Variants in HTR1F observed in about 807,000 individuals in gnomAD.
The protein encoded by HTR1F is 5-hydroxytryptamine (serotonin) receptor 1F, G protein-coupled.
In HTR1F, 17 loss-of-function variants were observed where a neutral mutation model predicts 24.0. That is an observed-to-expected ratio of 0.71 (90% CI 0.48 to 1.06). HTR1F has a LOEUF of 1.06. Ranked by LOEUF, HTR1F falls within the 50% of genes least tolerant of loss-of-function variation. The pLI is 0.00. For missense variants in HTR1F, 391 were observed against 427.8 expected, an observed-to-expected ratio of 0.91 and a Z score of 0.76; for synonymous variants, 186 against 156.8, an observed-to-expected ratio of 1.19 and a Z score of -1.39.
At chr3:87,917,375 G>C (rs1703916798) in intron 2 of HTR1F, among the ~76,000 whole-genome samples, 1 of 134,790 alleles carries the variant, frequency 7.4e-6, no homozygotes, top group African/African-American at 2.8e-5. Context: ...AGAACTAAAT[G>C]AAATTGAAGC....
chr3:87,805,014 A>C (rs1374133315), intron 1 of HTR1F, among the ~76,000 whole-genome samples: 1 of 152,062 alleles, frequency 6.6e-6, no homozygotes, highest in Admixed American at 6.6e-5. Flanking sequence ...ACCTTTTGAT[A>C]CTAATGCCAT....
chr3:87,831,348 T>C (rs1704574767), intron 2 of HTR1F, among the ~76,000 whole-genome samples: 1 of 142,732 alleles, frequency 7.0e-6, no homozygotes, highest in South Asian at 2.1e-4. Flanking sequence ...TTATTATTAT[T>C]ATTATTATTA....
chr3:87,841,626 G>A lies in HTR1F; in HGVS notation c.-43+19502G>A, dbSNP rs527827296. Among the ~76,000 whole-genome samples the A allele has an allele frequency of 5.1e-4, 77 of 151,832 alleles. 3 individuals carry two copies. The South Asian group carries it at 0.015, about 30-fold the overall frequency. On this transcript the variant is annotated intron_variant, in intron 2 of 2. Coordinates refer to ENST00000319595, the MANE Select transcript of HTR1F (RefSeq NM_001322209.2). ...AAACTAAACTAACATAGGGCTGGGT[G>A]CGGTGGCTCACGTCTGTAATCCCAG...
At chr3:87,823,929 C>T (rs1295911810) in intron 2 of HTR1F, among the ~76,000 whole-genome samples, 4 of 151,502 alleles carry the variant, frequency 2.6e-5, no homozygotes, top group Non-Finnish European at 4.4e-5. Context: ...CATGGTGGCG[C>T]GCCTGTAGTC....
chr3:87,881,311 C>G (rs1325287057), intron 2 of HTR1F, among the ~76,000 whole-genome samples: 3 of 152,230 alleles, frequency 2.0e-5, no homozygotes, highest in Non-Finnish European at 4.4e-5. Context: ...CCCACACCAA[C>G]AGAGCCTTGC....
At chr3:87,906,929 T>A (rs565073226) in intron 2 of HTR1F, among the ~76,000 whole-genome samples, 5 of 152,246 alleles carry the variant, frequency 3.3e-5, no homozygotes, top group African/African-American at 9.6e-5. Flanking sequence ...CTTTAGCCAC[T>A]CGTTGATTGA....
chr3:87,866,252 T>C (rs1705424184), intron 2 of HTR1F, among the ~76,000 whole-genome samples: 1 of 152,226 alleles, frequency 6.6e-6, no homozygotes, highest in Admixed American at 6.5e-5. Flanking sequence ...ATATTTTGTA[T>C]TGAGGTGCTA....
chr3:87,856,458 A>T (rs1322918052), intron 2 of HTR1F, among the ~76,000 whole-genome samples: 9 of 150,624 alleles, frequency 6.0e-5, no homozygotes, highest in East Asian at 1.9e-4. Flanking sequence ...TTTATTTTTT[A>T]AAAAATGAGG....
rs147206598 is a variant in HTR1F, at chr3:87,991,309, T to G, written c.560T>G (p.Phe187Cys). 2.7e-5 allele frequency: 43 copies of G among 1,613,990 alleles called. No individual in the cohort carries two copies. The African/African-American group carries it at 3.9e-4, about 15-fold the overall frequency. ...DHIVSTIYST[F>C]GAFYIPLALI... is the part of the protein sequence containing the mutation. Reference sequence around the variant, plus strand: ...ATTGTTTCCACCATTTACTCAACATTTGGAGCTTTCTACATCCCACTGGCA... The same window carrying G: ...ATTGTTTCCACCATTTACTCAACATGTGGAGCTTTCTACATCCCACTGGCA... Residue 187 changes from phenylalanine to cysteine, a missense_variant, in exon 3 of 3, where the codon TTT (phenylalanine) becomes TGT (cysteine). Coordinates refer to ENST00000319595, the MANE Select transcript of HTR1F (RefSeq NM_001322209.2).
At chr3:87,875,519 T>C (rs561574235) in intron 2 of HTR1F, among the ~76,000 whole-genome samples, 1 of 151,716 alleles carries the variant, frequency 6.6e-6, no homozygotes, top group East Asian at 1.9e-4. Context: ...AGGCAACCTA[T>C]GAAATGGGAG....
chr3:87,865,975 A>G (rs1446252388), intron 2 of HTR1F, among the ~76,000 whole-genome samples: 1 of 152,120 alleles, frequency 6.6e-6, no homozygotes, highest in Non-Finnish European at 1.5e-5. Context: ...TGAGGGTTTC[A>G]TTTGCTCCAC....
At chr3:87,932,728 A>C (rs1452025916) in intron 2 of HTR1F, among the ~76,000 whole-genome samples, 1 of 151,662 alleles carries the variant, frequency 6.6e-6, no homozygotes, top group Admixed American at 6.6e-5. Flanking sequence ...ACCAACCAAA[A>C]AGAGTCCAGG....
intron 2 of HTR1F, among the ~76,000 whole-genome samples, chr3:87,952,288 A>G (rs888875536): frequency 6.6e-6 from 1 of 152,000 alleles, no homozygotes; most frequent in African/African-American, 2.4e-5. Context: ...AGACCTTTTT[A>G]ATATTTATCA....
chr3:87,988,820 C>A (rs1469109888), intron 2 of HTR1F, among the ~76,000 whole-genome samples: 2 of 151,616 alleles, frequency 1.3e-5, no homozygotes, highest in Non-Finnish European at 2.9e-5. Flanking sequence ...CTCAAGTGAT[C>A]CCCCTGCCTC....
At chr3:87,793,795 T>C (rs561214200) in intron 1 of HTR1F, among the ~76,000 whole-genome samples, 1 of 152,158 alleles carries the variant, frequency 6.6e-6, no homozygotes, top group Non-Finnish European at 1.5e-5. Flanking sequence ...CAGATTTTGT[T>C]TTTCCTGCAT....
At chr3:87,807,705 A>T (rs1704096433) in intron 1 of HTR1F, among the ~76,000 whole-genome samples, 1 of 152,020 alleles carries the variant, frequency 6.6e-6, no homozygotes, top group Non-Finnish European at 1.5e-5. Flanking sequence ...TCTAGTTATT[A>T]GGGGAAAGGC....
chr3:87,967,646 G>T (rs1347618539), intron 2 of HTR1F, among the ~76,000 whole-genome samples: 2 of 152,022 alleles, frequency 1.3e-5, no homozygotes, highest in Non-Finnish European at 2.9e-5. Context: ...AATGTCACGA[G>T]ATCTGATGGT....
chr3:87,968,594 T>C (rs1049207415), intron 2 of HTR1F, among the ~76,000 whole-genome samples: 1 of 152,062 alleles, frequency 6.6e-6, no homozygotes, highest in African/African-American at 2.4e-5. Context: ...ATTCACAGGA[T>C]ATGGTTTGGA....
At chr3:87,920,170 C>T (rs1318649326) in intron 2 of HTR1F, among the ~76,000 whole-genome samples, 1 of 151,738 alleles carries the variant, frequency 6.6e-6, no homozygotes, top group African/African-American at 2.4e-5. Flanking sequence ...AAACATCCTA[C>T]ATTCTCACTC....
Sources: allele counts gnomAD v4.1 joint callset (sites outside exome capture counted in the v4.1 genomes callset), GRCh38; gene constraint gnomAD v4.1.1; transcripts MANE v1.5; gene names NCBI Gene and HGNC (gene_info 2026-07-23, HGNC 2026-07-21).